The following DLGAP1 variants were observed in gnomAD, a reference collection of about 807,000 sequenced individuals.
DLGAP1 encodes DLG associated protein 1, also known as disks large-associated protein 1.
Under a neutral mutation model 90.8 loss-of-function variants are expected in DLGAP1, and 11 were observed. The observed-to-expected ratio is 0.12, with a 90% CI of 0.08 to 0.20. The LOEUF (loss-of-function observed/expected upper bound fraction) is 0.20, where lower values mean the gene tolerates loss of function less well. Ranked by LOEUF, DLGAP1 falls within the 10% of genes least tolerant of loss-of-function variation. DLGAP1 has a pLI of 1.00. For missense variants in DLGAP1, 1,050 were observed against 1,333.8 expected (o/e 0.79, Z 3.31); for synonymous variants, 558 against 540.7 (o/e 1.03, Z -0.44).
chr18:3,898,008 A>C (rs369560764), intron 3 of DLGAP1, among the ~76,000 whole-genome samples: 6 of 151,644 alleles, frequency 4.0e-5, no homozygotes, highest in Non-Finnish European at 5.9e-5. Flanking sequence ...GTTAGCCAGG[A>C]TGGTCTCGAT....
chr18:3,805,224 G>A (rs186937120), intron 5 of DLGAP1, among the ~76,000 whole-genome samples: 99 of 152,284 alleles, frequency 6.5e-4, no homozygotes, highest in Non-Finnish European at 6.6e-4. Context: ...AACAACCAGT[G>A]GCTTGTTGAA....
At chr18:4,438,441 A>AG (rs2144805943) in intron 1 of DLGAP1, among the ~76,000 whole-genome samples, 1 of 150,266 alleles carries the variant, frequency 6.7e-6, no homozygotes, top group Non-Finnish European at 1.5e-5. Flanking sequence ...CAAAAAAAAA[A>AG]AAAAAAAAAA....
At chr18:4,144,196 C>T (rs994180054) in intron 2 of DLGAP1, among the ~76,000 whole-genome samples, 13 of 152,186 alleles carry the variant, frequency 8.5e-5, no homozygotes, top group African/African-American at 3.1e-4. Context: ...AATTGCAGTC[C>T]TTGTGGCCTA....
intron 1 of DLGAP1, among the ~76,000 whole-genome samples, chr18:4,446,422 G>A (rs980691203): frequency 6.7e-6 from 1 of 150,316 alleles, no homozygotes; most frequent in Non-Finnish European, 1.5e-5. Flanking sequence ...GGCATAAAAT[G>A]ATGAAGTTGT....
intron 5 of DLGAP1, among the ~76,000 whole-genome samples, chr18:3,806,951 A>AT (rs2066594370): frequency 6.6e-6 from 1 of 152,196 alleles, no homozygotes; most frequent in Non-Finnish European, 1.5e-5. Flanking sequence ...CCCAGGATTC[A>AT]TTATTGTATT....
chr18:4,065,822 T>A (rs1177253049), intron 2 of DLGAP1, among the ~76,000 whole-genome samples: 3 of 149,922 alleles, frequency 2.0e-5, no homozygotes. Context: ...AAAAAAAAAT[T>A]AAATTCACAT....
At position 4,023,208 on chromosome 18, in the gene DLGAP1, T is replaced by C. The variant is rs563964039; in HGVS notation, c.-158-18007A>G. On this transcript the variant is annotated intron_variant, in intron 2 of 12. Transcript: ENST00000315677. ...TTAATATTTACTACCCATTTAGGTT[T>C]CTCTTGCTGTGAATTGCCTATTCAG... 4.6e-5 allele frequency among the ~76,000 whole-genome samples: 7 copies of C among 152,380 alleles called. No homozygotes were observed. In the East Asian group the frequency reaches 1.3e-3, roughly 29 times the overall value.
chr18:3,678,631 C>T lies in DLGAP1; in HGVS notation c.1591+50504G>A, dbSNP rs558572054. On this transcript the variant is annotated intron_variant, in intron 7 of 12. Transcript: ENST00000315677. ...ACATTTACAATTTCTTTTCCAAGAA[C>T]GAACAAGGATCAGAAAGCAAAATAG... Among the ~76,000 whole-genome samples, 12 of 152,126 alleles carry T rather than the reference C, an allele frequency of 7.9e-5. No homozygotes were observed. In the East Asian group the frequency reaches 1.4e-3, roughly 17 times the overall value.
intron 7 of DLGAP1, among the ~76,000 whole-genome samples, chr18:3,687,907 GT>G (rs34437512): frequency 0.027 from 3,628 of 133,174 alleles, 101 homozygotes; most frequent in African/African-American, 0.09. Flanking sequence ...CTCAGAGACT[GT>G]TTTTTTTTTT....
intron 7 of DLGAP1, among the ~76,000 whole-genome samples, chr18:3,588,383 T>C (rs1204718640): frequency 6.7e-6 from 1 of 148,166 alleles, no homozygotes; most frequent in Non-Finnish European, 1.5e-5. Context: ...CACTTGAACC[T>C]GGGAGGCGGA....
intron 5 of DLGAP1, among the ~76,000 whole-genome samples, chr18:3,783,177 T>A (rs889365530): frequency 3.3e-5 from 5 of 152,140 alleles, no homozygotes; most frequent in Non-Finnish European, 7.4e-5. Context: ...TGTGGAGAAA[T>A]TGGAGCGCTT....
chr18:3,968,019 C>T (rs913457404), intron 3 of DLGAP1, among the ~76,000 whole-genome samples: 1 of 152,100 alleles, frequency 6.6e-6, no homozygotes, highest in African/African-American at 2.4e-5. Flanking sequence ...AATAAATCAT[C>T]TTACTGCTTA....
At chr18:3,797,247 A>G (rs750397497) in intron 5 of DLGAP1, among the ~76,000 whole-genome samples, 1 of 151,448 alleles carries the variant, frequency 6.6e-6, no homozygotes, top group South Asian at 2.1e-4. Flanking sequence ...AATTGCTTTA[A>G]CCCGGGAGGC....
rs116685923 is a variant in DLGAP1, at chr18:3,536,977, C to T, written c.2058-2362G>A. Among the ~76,000 whole-genome samples, 914 of 151,900 alleles carry T rather than the reference C, an allele frequency of 6.0e-3. 12 individuals carry two copies. The highest frequency in any genetic ancestry group is 0.021 in the African/African-American group (880 of 41,446). On this transcript the variant is annotated intron_variant, in intron 9 of 12. Transcript: ENST00000315677. Reference sequence around the variant, plus strand: ...CTCTGGAGAAGACAGGAAACAATGACGGAATATAAGTCCACTGAAGATAGC... The same window carrying T: ...CTCTGGAGAAGACAGGAAACAATGATGGAATATAAGTCCACTGAAGATAGC...
intron 4 of DLGAP1, among the ~76,000 whole-genome samples, chr18:3,828,088 T>C (rs900408263): frequency 2.0e-5 from 3 of 152,246 alleles, no homozygotes; most frequent in Non-Finnish European, 4.4e-5. Flanking sequence ...TGTAGTCGTG[T>C]AGAAGAATAT....
intron 5 of DLGAP1, among the ~76,000 whole-genome samples, chr18:3,781,847 A>C (rs2065207355): frequency 6.6e-6 from 1 of 152,232 alleles, no homozygotes; most frequent in Non-Finnish European, 1.5e-5. Flanking sequence ...TCAAATTCTT[A>C]TAAATTCAAC....
intron 1 of DLGAP1, among the ~76,000 whole-genome samples, chr18:4,193,025 G>T (rs1168811939): frequency 6.6e-6 from 1 of 152,196 alleles, no homozygotes; most frequent in Admixed American, 6.5e-5. Context: ...TTTCTTTATG[G>T]ACATTCACTT....
At chr18:4,242,588 T>C (rs2078562180) in intron 1 of DLGAP1, among the ~76,000 whole-genome samples, 2 of 152,140 alleles carry the variant, frequency 1.3e-5, no homozygotes, top group Admixed American at 1.3e-4. Flanking sequence ...AAAAATTCTT[T>C]TCAGAAACAT....
chr18:3,733,755 C>A (rs1441480123), intron 6 of DLGAP1, among the ~76,000 whole-genome samples: 1 of 152,124 alleles, frequency 6.6e-6, no homozygotes, highest in South Asian at 2.1e-4. Context: ...ATGCTTATAA[C>A]AGTTTGTATG....
Sources: gnomAD v4.1 joint callset for allele counts (sites outside exome capture counted in the v4.1 genomes callset) on GRCh38, gnomAD v4.1.1 for gene constraint, MANE v1.5 for transcripts, NCBI Gene and HGNC (gene_info 2026-07-23, HGNC 2026-07-21) for gene names.